The following ZNF234 variants were observed in gnomAD, a reference collection of about 807,000 sequenced individuals.
ZNF234 encodes C2-H2 type zinc finger protein.
ZNF234 carries 4 observed loss-of-function variants against 10.3 expected under a neutral mutation model. That is an observed-to-expected ratio of 0.39 (90% CI 0.19 to 0.89). The LOEUF (loss-of-function observed/expected upper bound fraction) is 0.89, where lower values mean the gene tolerates loss of function less well. Among genes scored for constraint, ZNF234 ranks in the 40% least tolerant of loss-of-function variants. The probability of loss-of-function intolerance (pLI) is 0.38; values close to 1 mark genes in which losing one functional copy is unlikely to be tolerated. For synonymous variants in ZNF234, 258 were observed against 280.1 expected (o/e 0.92, Z 0.79); for missense variants, 711 against 836.1 (o/e 0.85, Z 1.85).
intron 4 of ZNF234, 35 bp from the exon 5 acceptor site, chr19:44,150,378 T>C: frequency 1.3e-6 from 2 of 1,516,168 alleles, no homozygotes; most frequent in Non-Finnish European, 1.8e-6. Flanking sequence ...ACCTTTAGTG[T>C]GTTTGTTTTA....
intron 4 of ZNF234, chr19:44,150,079 C>T (rs371253928): frequency 1.1e-3 from 186 of 161,794 alleles, no homozygotes; most frequent in African/African-American, 4.2e-3. Context: ...CTTATTGGTG[C>T]CTGCAGCTTA....
rs376788581 is a variant in ZNF234 at position 44,153,111 on chromosome 19, C to G, written c.235+2606C>G. 2.0e-4 allele frequency among the ~76,000 whole-genome samples: 29 copies of G among 144,000 alleles called. No homozygotes were observed. The East Asian group carries it at 4.1e-3, about 20-fold the overall frequency. 94.5% of individuals were successfully genotyped at this position (144,000 alleles called of 152,430 possible). The stretch of plus-strand genomic sequence containing the variant: ...CATCATCATAGAGACTTGTCCTCCT[C>G]AAAAAAACTACAATTTTTAAGGGTC... On this transcript the variant is annotated intron_variant, in intron 5 of 5. Transcript: ENST00000426739.
intron 5 of ZNF234, among the ~76,000 whole-genome samples, chr19:44,154,188 A>G (rs1445184487): frequency 6.6e-6 from 1 of 152,222 alleles, no homozygotes; most frequent in East Asian, 1.9e-4. Context: ...CTATCTGGGA[A>G]GAGTTCCTCC....
chr19:44,141,599 T>C lies in ZNF234; in HGVS notation c.-265T>C, dbSNP rs1968463730. ...CGCTCCAGGGAAGAGGGGGCGATTGTCACGGCACATTCCACGGTAGTTTCT... is the reference window on the plus strand; with the variant it reads ...CGCTCCAGGGAAGAGGGGGCGATTGCCACGGCACATTCCACGGTAGTTTCT... On this transcript the variant is annotated 5_prime_UTR_variant, in exon 1 of 6. Transcript: ENST00000426739. This position sits in a 1 kb window ranked among gnomAD's most constrained non-coding sequence, Gnocchi z 4.6. 6.6e-6 allele frequency: 1 copy of C among 152,282 alleles called. No individual in the cohort carries two copies. The highest frequency in any genetic ancestry group is 2.4e-5 in the African/African-American group (1 of 41,466). The allele number at this position is 152,282 out of a possible 1,614,324, so 9.4% of individuals were successfully genotyped here. A position where few individuals can be genotyped will look rare whatever the true frequency, so the allele number is the denominator to read the frequency against.
At position 44,156,342 on chromosome 19, in the gene ZNF234, G is replaced by A. The variant is rs1478037909; in HGVS notation, c.326G>A (p.Ser109Asn). Residue 109 changes from serine to asparagine, a missense_variant, in exon 6 of 6, where the codon AGT (serine) becomes AAT (asparagine). Coordinates refer to ENST00000426739, the MANE Select transcript of ZNF234 (RefSeq NM_006630.3). ...GGGCAAATCTGGAAACAGATTGCAA[G>A]TGATTTAATCAAGTATGAAGACTCT... ...YWGQIWKQIA[S>N]DLIKYEDSMI... 1 of 1,610,416 alleles carries A rather than the reference G, an allele frequency of 6.2e-7. No homozygotes were observed. The highest frequency in any genetic ancestry group is 8.5e-7 in the Non-Finnish European group (1 of 1,178,794).
chr19:44,147,691 A>C (rs1879161604), intron 3 of ZNF234, among the ~76,000 whole-genome samples: 1 of 152,120 alleles, frequency 6.6e-6, no homozygotes, highest in Admixed American at 6.5e-5. Context: ...CATCTTTACT[A>C]AAAATACAAA....
rs189626331 is a variant in ZNF234, at chr19:44,154,659, G to A, written c.236-1593G>A. 1.9e-3 allele frequency among the ~76,000 whole-genome samples: 214 copies of A among 114,296 alleles called. 1 individual carries two copies. The highest frequency in any genetic ancestry group is 6.7e-3 in the African/African-American group (196 of 29,110). 75.0% of individuals were successfully genotyped at this position (114,296 alleles called of 152,430 possible). ...TTTTTTTTTTTTTTTTTGAGACAAA[G>A]TCTCACTGTGTCCCTCAGGCTGAAG... is the stretch of plus-strand genomic sequence containing the variant. On this transcript the variant is annotated intron_variant, in intron 5 of 5. Transcript: ENST00000426739.
chr19:44,147,642 C>T (rs1041660095), intron 3 of ZNF234, among the ~76,000 whole-genome samples: 4 of 152,172 alleles, frequency 2.6e-5, no homozygotes, highest in African/African-American at 9.7e-5. Context: ...CACCTGAGAT[C>T]AGGAGTTCGT....
rs1968466152 is a variant in ZNF234, at chr19:44,141,682, C to A, written c.-182C>A. 6.6e-6 allele frequency: 1 copy of A among 152,288 alleles called. No individual in the cohort carries two copies. The highest frequency in any genetic ancestry group is 2.4e-5 in the African/African-American group (1 of 41,444). 9.4% of individuals were successfully genotyped at this position (152,288 alleles called of 1,614,324 possible). A position where few individuals can be genotyped will look rare whatever the true frequency, so the allele number is the denominator to read the frequency against. On this transcript the variant is annotated 5_prime_UTR_variant, in exon 1 of 6. The change creates a new upstream start codon in the 5' untranslated region. Transcript: ENST00000426739. The surrounding 1 kb of genome is among the most constrained non-coding windows in gnomAD (Gnocchi z 4.6). ...GTCAGGGACTTAAGATTGGGGCTCGCTGGGACCTGGTGGTCCGGTTATGGG... is the reference window on the plus strand; with the variant it reads ...GTCAGGGACTTAAGATTGGGGCTCGATGGGACCTGGTGGTCCGGTTATGGG...
At chr19:44,144,085 G>A (rs1377518390) in intron 2 of ZNF234, among the ~76,000 whole-genome samples, 1 of 152,126 alleles carries the variant, frequency 6.6e-6, no homozygotes, top group Non-Finnish European at 1.5e-5. Context: ...GAACTTTGCT[G>A]AGTGTAGTAA....
At chr19:44,144,003 T>C (rs2147601173) in intron 2 of ZNF234, among the ~76,000 whole-genome samples, 1 of 152,336 alleles carries the variant, frequency 6.6e-6, no homozygotes, top group South Asian at 2.1e-4. Flanking sequence ...ATAATTTTTT[T>C]CCAACTTTAT....
chr19:44,144,867 T>G (rs1401839167), intron 3 of ZNF234, among the ~76,000 whole-genome samples: 1 of 152,250 alleles, frequency 6.6e-6, no homozygotes, highest in Non-Finnish European at 1.5e-5. Flanking sequence ...CGTCTTTGAA[T>G]TTTGCATTTG....
intron 3 of ZNF234, among the ~76,000 whole-genome samples, chr19:44,146,353 G>C (rs1408722898): frequency 1.3e-5 from 2 of 152,186 alleles, no homozygotes; most frequent in African/African-American, 2.4e-5. Context: ...GAGATGGCTG[G>C]GTCAAATGGT....
At chr19:44,143,552 TG>T (rs1968519457) in intron 2 of ZNF234, among the ~76,000 whole-genome samples, 1 of 148,840 alleles carries the variant, frequency 6.7e-6, no homozygotes, top group South Asian at 2.1e-4. Context: ...GAGCTTGCAG[TG>T]AGCCGAGATT....
chr19:44,151,364 G>A (rs767386862), intron 5 of ZNF234, among the ~76,000 whole-genome samples: 53 of 152,094 alleles, frequency 3.5e-4, no homozygotes, highest in Non-Finnish European at 5.9e-4. Flanking sequence ...AACCACGTCC[G>A]GCGGATTTTT....
chr19:44,151,549 A>G (rs1968744533), intron 5 of ZNF234, among the ~76,000 whole-genome samples: 1 of 152,216 alleles, frequency 6.6e-6, no homozygotes, highest in Non-Finnish European at 1.5e-5. Context: ...AACTGAGTGG[A>G]TTAAATGATA....
chr19:44,157,928 C>T lies in ZNF234; in HGVS notation c.1912C>T (p.Gln638Ter), dbSNP rs1180208319. The T allele has an allele frequency of 6.2e-7, 1 of 1,614,090 alleles. No individual in the cohort carries two copies. The highest frequency in any genetic ancestry group is 1.7e-5 in the Admixed American group (1 of 60,016). Reference protein sequence around the residue: ...VCGKVFSRSSQLQYHRRVHTG... With the variant: ...VCGKVFSRSS ...TGGTAAAGTCTTCAGTCGGTCTTCA[C>T]AATTACAGTATCATAGGCGAGTTCA... is the stretch of plus-strand genomic sequence containing the variant. Residue 638 changes from glutamine to a stop codon, truncating the protein, a stop_gained, in exon 6 of 6, where the codon CAA (glutamine) becomes TAA (stop). Transcript: ENST00000426739. LOFTEE classifies it low-confidence loss of function (END_TRUNC).
At chr19:44,155,472 T>A (rs992705807) in intron 5 of ZNF234, among the ~76,000 whole-genome samples, 3 of 152,154 alleles carry the variant, frequency 2.0e-5, no homozygotes, top group African/African-American at 4.8e-5. Context: ...TCTTTATTCT[T>A]ACAATAAAGA....
Position 44,157,687 on chromosome 19 carries a change from C to A in ZNF234, c.1671C>A (p.Ala557=), listed in dbSNP as rs1253556313. The A allele has an allele frequency of 6.2e-7, 1 of 1,613,302 alleles. No individual in the cohort carries two copies. Among genetic ancestry groups the A allele is most frequent in the Non-Finnish European group, 8.5e-7 (1 of 1,179,864 alleles). The change falls in exon 6 of 6, where the codon GCC becomes GCA. Residue 557 remains alanine (A), a synonymous_variant. Transcript: ENST00000426739. ...KSFSRSAHLQ[A]HQKVHTGEKP... is the part of the protein sequence containing the mutation. ...TCAGTCGGAGTGCACACCTTCAAGCCCATCAAAAAGTCCACACTGGAGAAA... is the reference window on the plus strand; with the variant it reads ...TCAGTCGGAGTGCACACCTTCAAGCACATCAAAAAGTCCACACTGGAGAAA...
Sources: gnomAD v4.1 joint callset for allele counts (sites outside exome capture counted in the v4.1 genomes callset) on GRCh38, gnomAD v4.1.1 for gene constraint, Gnocchi (gnomAD v3.1) non-coding constraint, MANE v1.5 for transcripts, NCBI Gene and HGNC (gene_info 2026-07-23, HGNC 2026-07-21) for gene names.